The following WWOX variants were observed in gnomAD, a reference collection of about 807,000 sequenced individuals.
WWOX encodes the protein WW domain-containing oxidoreductase.
A neutral mutation model predicts 46.2 loss-of-function variants in WWOX; 69 were observed. The ratio of observed to expected loss-of-function variants is 1.49; its 90% confidence interval spans 1.23 to 1.82. WWOX has a LOEUF of 1.82. Ranked by LOEUF, WWOX falls within the 40% of genes most tolerant of loss-of-function variation. WWOX has a pLI of 0.00. For missense variants in WWOX, 919 were observed against 542.6 expected (o/e 1.69, Z -6.89); for synonymous variants, 359 against 202.6 (o/e 1.77, Z -6.56).
intron 8 of WWOX, chr16:79,077,635 G>GT (rs1241334406): frequency 1.6e-5 from 2 of 125,058 alleles, no homozygotes; most frequent in Non-Finnish European, 1.7e-5. Context: ...TCCTTAAATG[G>GT]TCCCCCCTTT....
At chr16:79,168,628 C>T (rs2050640786) in intron 8 of WWOX, among the ~76,000 whole-genome samples, 1 of 151,564 alleles carries the variant, frequency 6.6e-6, no homozygotes, top group African/African-American at 2.4e-5. Flanking sequence ...ATAATTATGC[C>T]ATCTACACTT....
chr16:78,199,504 A>C (rs913911803), intron 5 of WWOX, among the ~76,000 whole-genome samples: 2 of 152,152 alleles, frequency 1.3e-5, no homozygotes, highest in Non-Finnish European at 1.5e-5. Context: ...CGGATCCGGC[A>C]TCATGACCTT....
chr16:78,632,426 C>G (rs552021239), intron 8 of WWOX, among the ~76,000 whole-genome samples: 5 of 151,954 alleles, frequency 3.3e-5, no homozygotes, highest in Non-Finnish European at 7.4e-5. Flanking sequence ...TCCTACTTAA[C>G]GTCGCAGATG....
At chr16:78,917,605 C>T (rs942425154) in intron 8 of WWOX, among the ~76,000 whole-genome samples, 5 of 152,236 alleles carry the variant, frequency 3.3e-5, no homozygotes, top group African/African-American at 9.6e-5. Context: ...TCTTTTGCAG[C>T]TGCAGCCCTT....
chr16:78,803,897 C>G (rs866882017), intron 8 of WWOX, among the ~76,000 whole-genome samples: 4 of 152,224 alleles, frequency 2.6e-5, no homozygotes, highest in African/African-American at 9.6e-5. Flanking sequence ...ATAACCATCA[C>G]CAGACAAACA....
chr16:78,926,370 C>A (rs1213528550), intron 8 of WWOX, among the ~76,000 whole-genome samples: 3 of 140,366 alleles, frequency 2.1e-5, no homozygotes, highest in Non-Finnish European at 1.6e-5. Context: ...GACCCTATCT[C>A]AAAAAAAAAA....
In WWOX at chr16:78,498,664, G is replaced by A. The variant is rs921352793; in HGVS notation, c.1056+65912G>A. Among the ~76,000 whole-genome samples the A allele has an allele frequency of 4.6e-5, 7 of 152,146 alleles. No individual in the cohort carries two copies. In the East Asian group the frequency reaches 5.8e-4, roughly 13 times the overall value. Reference sequence around the variant, plus strand: ...CACTAATTCTGTAAAGGAGAGCAGCGGCATTTACTTAGGCCGATTCCCCAT... The same window carrying A: ...CACTAATTCTGTAAAGGAGAGCAGCAGCATTTACTTAGGCCGATTCCCCAT... On this transcript the variant is annotated intron_variant, in intron 8 of 8. Coordinates refer to ENST00000566780, the MANE Select transcript of WWOX (RefSeq NM_016373.4).
At chr16:79,032,589 CA>C (rs2047785541) in intron 8 of WWOX, among the ~76,000 whole-genome samples, 1 of 146,772 alleles carries the variant, frequency 6.8e-6, no homozygotes, top group African/African-American at 2.5e-5. Flanking sequence ...ATTTGGGGGG[CA>C]AAAACATATA....
chr16:78,946,625 C>T (rs1363494192), intron 8 of WWOX, among the ~76,000 whole-genome samples: 4 of 152,124 alleles, frequency 2.6e-5, no homozygotes, highest in Non-Finnish European at 4.4e-5. Context: ...CTGTCTTCAT[C>T]CTAGGGCACA....
intron 8 of WWOX, among the ~76,000 whole-genome samples, chr16:78,973,266 CT>C (rs2046507434): frequency 1.3e-5 from 2 of 152,260 alleles, no homozygotes; most frequent in African/African-American, 4.8e-5. Flanking sequence ...AATTAAGCCG[CT>C]TTGCAGAAGT....
intron 8 of WWOX, among the ~76,000 whole-genome samples, chr16:79,022,763 G>T (rs191210526): frequency 6.2e-4 from 95 of 152,344 alleles, no homozygotes; most frequent in Non-Finnish European, 1.0e-3. Flanking sequence ...CGGAACTGAG[G>T]TGGCACATGT....
chr16:78,422,563 T>C lies in WWOX; in HGVS notation c.606-2307T>C, dbSNP rs541956958. The stretch of plus-strand genomic sequence containing the variant: ...GGTCTTGCTGTGTTGCTCAGGCTGG[T>C]TTTGAATACTGGGCTCAAGTGATTA... On this transcript the variant is annotated intron_variant, in intron 6 of 8. Coordinates refer to ENST00000566780, the MANE Select transcript of WWOX (RefSeq NM_016373.4). Among the ~76,000 whole-genome samples, 2 of 148,652 alleles carry C rather than the reference T, an allele frequency of 1.3e-5. 1 individual carries two copies. The highest frequency in any genetic ancestry group is 4.0e-4 in the East Asian group (2 of 5,020).
At chr16:78,910,617 C>T (rs938281908) in intron 8 of WWOX, among the ~76,000 whole-genome samples, 1 of 151,794 alleles carries the variant, frequency 6.6e-6, no homozygotes, top group South Asian at 2.1e-4. Context: ...AATGGACTCA[C>T]AATTCCACAT....
At chr16:78,894,693 C>T (rs1179027791) in intron 8 of WWOX, among the ~76,000 whole-genome samples, 2 of 152,024 alleles carry the variant, frequency 1.3e-5, no homozygotes, top group African/African-American at 4.8e-5. Flanking sequence ...GCTGTGGAAA[C>T]AATAGAGAGA....
At chr16:79,182,414 G>A (rs896639218) in intron 8 of WWOX, among the ~76,000 whole-genome samples, 5 of 151,934 alleles carry the variant, frequency 3.3e-5, no homozygotes, top group African/African-American at 7.3e-5. Context: ...TCCTTATCCC[G>A]TTAATATATG....
At chr16:79,066,460 G>C (rs781240749) in intron 8 of WWOX, among the ~76,000 whole-genome samples, 1 of 151,980 alleles carries the variant, frequency 6.6e-6, no homozygotes, top group Non-Finnish European at 1.5e-5. Flanking sequence ...GCTCAACATA[G>C]GATCTGTGGA....
intron 6 of WWOX, among the ~76,000 whole-genome samples, chr16:78,418,035 AAATT>A (rs2082838744): frequency 1.3e-5 from 2 of 152,238 alleles, no homozygotes; most frequent in African/African-American, 4.8e-5. Flanking sequence ...TCTAGTTAAA[AAATT>A]AATGAGTGCT....
At chr16:78,638,392 T>C (rs151273213) in intron 8 of WWOX, among the ~76,000 whole-genome samples, 28 of 152,184 alleles carry the variant, frequency 1.8e-4, no homozygotes, top group African/African-American at 5.3e-4. Flanking sequence ...TCTGGCTGGG[T>C]CTGCCTTTCC....
chr16:78,593,607 C>T (rs1260349322), intron 8 of WWOX, among the ~76,000 whole-genome samples: 2 of 152,170 alleles, frequency 1.3e-5, no homozygotes, highest in Admixed American at 1.3e-4. Flanking sequence ...GGGGACTTTG[C>T]TGCCACAGTT....
Sources: gnomAD v4.1 joint callset for allele counts (sites outside exome capture counted in the v4.1 genomes callset) on GRCh38, gnomAD v4.1.1 for gene constraint, MANE v1.5 for transcripts, NCBI Gene and HGNC (gene_info 2026-07-23, HGNC 2026-07-21) for gene names.